LRRC63: variants seen among roughly 807,000 people sequenced by gnomAD.
LRRC63 encodes the protein leucine-rich repeat-containing protein 63.
In LRRC63, 40 loss-of-function variants were observed where a neutral mutation model predicts 49.5. The ratio of observed to expected loss-of-function variants is 0.81; its 90% confidence interval spans 0.63 to 1.05. The LOEUF is 1.05. Ranked by LOEUF, LRRC63 falls within the 50% of genes least tolerant of loss-of-function variation. The pLI is 0.00. For synonymous variants in LRRC63, 191 were observed against 221.1 expected, an observed-to-expected ratio of 0.86 and a Z score of 1.21; for missense variants, 636 against 663.1, an observed-to-expected ratio of 0.96 and a Z score of 0.45.
chr13:46,272,506 A>C (rs1039143477), intron 9 of LRRC63, among the ~76,000 whole-genome samples: 5 of 152,234 alleles, frequency 3.3e-5, no homozygotes, highest in African/African-American at 1.2e-4. Context: ...TTGGATGCCC[A>C]AAAATATGAC....
At chr13:46,222,878 G>C (rs747713516) in intron 2 of LRRC63, among the ~76,000 whole-genome samples, 1 of 152,088 alleles carries the variant, frequency 6.6e-6, no homozygotes, top group Non-Finnish European at 1.5e-5. Context: ...ATACTATACA[G>C]CCTTAAAAAA....
At chr13:46,233,755 C>T (rs966180032) in intron 4 of LRRC63, among the ~76,000 whole-genome samples, 2 of 152,164 alleles carry the variant, frequency 1.3e-5, no homozygotes, top group African/African-American at 4.8e-5. Context: ...TTGAATTATA[C>T]ATCAAAGTGA....
At chr13:46,260,075 A>T (rs931500786) in intron 7 of LRRC63, among the ~76,000 whole-genome samples, 1 of 152,240 alleles carries the variant, frequency 6.6e-6, no homozygotes, top group Non-Finnish European at 1.5e-5. Flanking sequence ...TGTAAAAATC[A>T]TATATAGATG....
chr13:46,263,059 C>T (rs974268994), intron 8 of LRRC63, among the ~76,000 whole-genome samples: 1 of 151,960 alleles, frequency 6.6e-6, no homozygotes, highest in Non-Finnish European at 1.5e-5. Context: ...TTATTATGAC[C>T]AACATATTTA....
intron 2 of LRRC63, among the ~76,000 whole-genome samples, chr13:46,225,065 T>C (rs1165781218): frequency 2.6e-5 from 4 of 152,302 alleles, no homozygotes; most frequent in African/African-American, 7.2e-5. Context: ...AGCAGTGGGC[T>C]AGGTGACTGA....
At chr13:46,263,167 T>C (rs1217454029) in intron 8 of LRRC63, among the ~76,000 whole-genome samples, 1 of 129,414 alleles carries the variant, frequency 7.7e-6, no homozygotes, top group Non-Finnish European at 1.6e-5. Flanking sequence ...TTTTTAAATT[T>C]TTGAATTTAT....
intron 9 of LRRC63, among the ~76,000 whole-genome samples, chr13:46,268,705 G>A (rs551025078): frequency 2.6e-5 from 4 of 151,648 alleles, no homozygotes; most frequent in Admixed American, 2.6e-4. Flanking sequence ...TTCACCAAAG[G>A]AAGTTGCAAA....
chr13:46,232,399 C>T (rs1418157808), intron 4 of LRRC63, among the ~76,000 whole-genome samples: 2 of 152,186 alleles, frequency 1.3e-5, no homozygotes, highest in African/African-American at 2.4e-5. Context: ...GCTGAGAAGA[C>T]AAGAAATTTA....
intron 8 of LRRC63, among the ~76,000 whole-genome samples, chr13:46,265,709 G>A (rs2047675579): frequency 6.6e-6 from 1 of 152,192 alleles, no homozygotes; most frequent in South Asian, 2.1e-4. Context: ...ACCAGAGCAG[G>A]GCTCTCTGCT....
intron 3 of LRRC63, 22 bp downstream of exon 3, chr13:46,228,211 T>G: frequency 2.0e-6 from 3 of 1,495,438 alleles, no homozygotes; most frequent in Non-Finnish European, 2.7e-6. Flanking sequence ...CTGAACACGG[T>G]ATAATTATAG....
chr13:46,250,178 A>T, intron 6 of LRRC63, 177 bp from the exon 7 acceptor site: 2 of 508,598 alleles, frequency 3.9e-6, no homozygotes, highest in Non-Finnish European at 7.0e-6. Context: ...CATACCTATT[A>T]ATGCTGGTCA....
At position 46,254,493 on chromosome 13, in the gene LRRC63, G is replaced by C. The variant is rs574263954; in HGVS notation, c.1226+4002G>C. The stretch of plus-strand genomic sequence containing the variant: ...CCATTATCTCCTAAAACTGGAGGTA[G>C]GTCCTAAAAATGAACATGTAAAATA... On this transcript the variant is annotated intron_variant, in intron 7 of 9. Transcript: ENST00000595396. Among the ~76,000 whole-genome samples, 9 of 152,070 alleles carry C rather than the reference G, an allele frequency of 5.9e-5. No individual in the cohort carries two copies. In the East Asian group the frequency reaches 1.5e-3, roughly 26 times the overall value.
intron 2 of LRRC63, among the ~76,000 whole-genome samples, chr13:46,223,339 T>G (rs2046465404): frequency 6.6e-6 from 1 of 152,242 alleles, no homozygotes; most frequent in East Asian, 1.9e-4. Context: ...TTCTGTATTC[T>G]GTTCCATTGA....
At chr13:46,225,993 C>T (rs1244232773) in intron 2 of LRRC63, among the ~76,000 whole-genome samples, 1 of 148,054 alleles carries the variant, frequency 6.8e-6, no homozygotes, top group African/African-American at 2.5e-5. Context: ...TTTCCTTTTT[C>T]TTTTTTTTTT....
At chr13:46,218,415 C>T (rs1434699196) in intron 2 of LRRC63, among the ~76,000 whole-genome samples, 2 of 125,866 alleles carry the variant, frequency 1.6e-5, no homozygotes, top group Non-Finnish European at 3.2e-5. Flanking sequence ...ACTGGGATTG[C>T]AACCCCTGCT....
chr13:46,245,592 A>G (rs2047191579), intron 5 of LRRC63, among the ~76,000 whole-genome samples: 1 of 152,158 alleles, frequency 6.6e-6, no homozygotes, highest in South Asian at 2.1e-4. Flanking sequence ...AAATATTAAA[A>G]AGCACTAAGT....
intron 4 of LRRC63, among the ~76,000 whole-genome samples, chr13:46,232,625 A>T (rs1309482001): frequency 6.6e-6 from 1 of 152,198 alleles, no homozygotes; most frequent in Non-Finnish European, 1.5e-5. Flanking sequence ...ATCAAGGAAA[A>T]CCTAACACGT....
At chr13:46,226,007 A>G (rs1398253131) in intron 2 of LRRC63, among the ~76,000 whole-genome samples, 11 of 147,942 alleles carry the variant, frequency 7.4e-5, no homozygotes, top group African/African-American at 2.5e-4. Flanking sequence ...TTTTTTTGAC[A>G]GGGTCTCACT....
At chr13:46,223,475 G>GTTTGTTTTTTTTTTTTTTTTTTTTT (rs1566472007) in intron 2 of LRRC63, among the ~76,000 whole-genome samples, 2 of 127,888 alleles carry the variant, frequency 1.6e-5, no homozygotes, top group African/African-American at 3.3e-5. Context: ...TTGGCTGACA[G>GTTTGTTTTTTTTTTTTTTTTTTTTT]TTTTTTTTGT....
Sources: gnomAD v4.1 joint callset for allele counts (sites outside exome capture counted in the v4.1 genomes callset) on GRCh38, gnomAD v4.1.1 for gene constraint, MANE v1.5 for transcripts, NCBI Gene and HGNC (gene_info 2026-07-23, HGNC 2026-07-21) for gene names.